Variants in ELFN1 observed in about 807,000 individuals in gnomAD.
ELFN1 encodes protein ELFN1.
ELFN1 carries 6 observed loss-of-function variants against 7.6 expected under a neutral mutation model. The observed-to-expected ratio is 0.79, with a 90% CI of 0.43 to 1.56. The LOEUF is 1.56. Among genes scored for constraint, ELFN1 ranks in the 40% most tolerant of loss-of-function variants. The pLI, the probability that ELFN1 is intolerant of heterozygous loss-of-function variation, is 0.01. For missense variants in ELFN1, 1,169 were observed against 1,232.2 expected (o/e 0.95, Z 0.77); for synonymous variants, 657 against 588.1 (o/e 1.12, Z -1.70).
chr7:1,704,107 G>A (rs527261550), intron 2 of ELFN1, among the ~76,000 whole-genome samples: 1 of 152,354 alleles, frequency 6.6e-6, no homozygotes, highest in Admixed American at 6.5e-5. Flanking sequence ...TCAGCCCATG[G>A]GAGGGCCTGG....
intron 2 of ELFN1, among the ~76,000 whole-genome samples, chr7:1,708,282 C>A (rs1189220904): frequency 6.6e-6 from 1 of 152,202 alleles, no homozygotes; most frequent in Non-Finnish European, 1.5e-5. Flanking sequence ...GAAGCAAGTA[C>A]GCTGGTGAAA....
rs571810786 is a variant in ELFN1, at chr7:1,745,838, G to A, written c.1242G>A (p.Thr414=). 5.6e-5 allele frequency: 89 copies of A among 1,581,110 alleles called. No individual in the cohort carries two copies. The highest frequency in any genetic ancestry group is 6.6e-5 in the Non-Finnish European group (77 of 1,165,718). ...CTGGTCCGGTGCCCAGCCCCTCCAC[G>A]GCCACCCACTACATCATGACCATCC... is the stretch of plus-strand genomic sequence containing the variant. ...SPPGPVPSPS[T]ATHYIMTILG... Residue 414 remains threonine (T), a synonymous_variant, in exon 4 of 4, where the codon ACG becomes ACA. Transcript: ENST00000424383.
intron 1 of ELFN1, among the ~76,000 whole-genome samples, chr7:1,679,352 G>T (rs1778932167): frequency 6.6e-6 from 1 of 152,134 alleles, no homozygotes; most frequent in South Asian, 2.1e-4. Context: ...CCCCCTCCCT[G>T]CAGGAGGCTC....
At chr7:1,676,865 G>A (rs1216027263) in intron 1 of ELFN1, among the ~76,000 whole-genome samples, 2 of 152,164 alleles carry the variant, frequency 1.3e-5, no homozygotes, top group Admixed American at 6.5e-5. Context: ...GGATTGCTTC[G>A]GGAAGTCTCT....
intron 2 of ELFN1, among the ~76,000 whole-genome samples, chr7:1,698,270 C>T (rs192727741): frequency 6.6e-6 from 1 of 152,350 alleles, no homozygotes; most frequent in African/African-American, 2.4e-5. Context: ...TTACAGCTCT[C>T]ATATACAATT....
At position 1,695,834 on chromosome 7, in the gene ELFN1, C is replaced by G. The variant is rs151258550; in HGVS notation, c.-456+7684C>G. Reference sequence around the variant, plus strand: ...ATTCACAAACATTTACTCAGCAAATCTTGTTGGGCCCGCCAGGCCCTAGGG... The same window carrying G: ...ATTCACAAACATTTACTCAGCAAATGTTGTTGGGCCCGCCAGGCCCTAGGG... On this transcript the variant is annotated intron_variant, in intron 2 of 3. Coordinates refer to ENST00000424383, the MANE Select transcript of ELFN1 (RefSeq NM_001128636.4). The surrounding 1 kb of genome is among the most constrained non-coding windows in gnomAD (Gnocchi z 5.1). Among the ~76,000 whole-genome samples the G allele has an allele frequency of 6.7e-6, 1 of 150,256 alleles. No homozygotes were observed. The highest frequency in any genetic ancestry group is 1.5e-5 in the Non-Finnish European group (1 of 67,764).
chr7:1,720,040 G>A (rs1294049427), intron 3 of ELFN1, among the ~76,000 whole-genome samples: 1 of 152,022 alleles, frequency 6.6e-6, no homozygotes, highest in Non-Finnish European at 1.5e-5. Context: ...CAGCCACCCG[G>A]CATTCCGTGT....
chr7:1,743,962 T>C (rs911170986), intron 3 of ELFN1, among the ~76,000 whole-genome samples: 1 of 152,094 alleles, frequency 6.6e-6, no homozygotes, highest in Admixed American at 6.6e-5. Flanking sequence ...TGAAATGGGC[T>C]TCAGGGACCT....
chr7:1,685,502 G>GT (rs1480362341), intron 1 of ELFN1, among the ~76,000 whole-genome samples: 1 of 151,936 alleles, frequency 6.6e-6, no homozygotes, highest in Non-Finnish European at 1.5e-5. Flanking sequence ...TTTCTGTTCA[G>GT]TTTTTTCTCT....
chr7:1,707,592 G>A (rs1779562285), intron 2 of ELFN1, among the ~76,000 whole-genome samples: 1 of 152,204 alleles, frequency 6.6e-6, no homozygotes, highest in Non-Finnish European at 1.5e-5. Context: ...AAAGGCCTGG[G>A]GCAGAGCGGG....
At chr7:1,711,562 GA>G (rs1461574456) in intron 3 of ELFN1, among the ~76,000 whole-genome samples, 1 of 129,918 alleles carries the variant, frequency 7.7e-6, no homozygotes, top group East Asian at 2.2e-4. Context: ...ACCTTGAAGA[GA>G]GAGCGAGAGA....
intron 2 of ELFN1, among the ~76,000 whole-genome samples, chr7:1,707,927 G>T (rs929663939): frequency 6.6e-6 from 1 of 152,108 alleles, no homozygotes; most frequent in Non-Finnish European, 1.5e-5. Context: ...CAGACAGACC[G>T]GGGGGCCCCT....
intron 3 of ELFN1, among the ~76,000 whole-genome samples, chr7:1,719,304 CCCACCAACAGGACCCAAG>C (rs1406813153): frequency 0.02 from 2,672 of 134,944 alleles, no homozygotes; most frequent in African/African-American, 0.03. Flanking sequence ...CAGGGCCCCG[CCCACCAACAGGACCCAAG>C]CCACCAACAG....
At chr7:1,711,584 G>C (rs957633484) in intron 3 of ELFN1, among the ~76,000 whole-genome samples, 1 of 59,398 alleles carries the variant, frequency 1.7e-5, no homozygotes, top group South Asian at 5.0e-4. Flanking sequence ...GTGAGAGAGA[G>C]AGAGAGAGAG....
chr7:1,704,219 G>C (rs972763858), intron 2 of ELFN1, among the ~76,000 whole-genome samples: 1 of 152,134 alleles, frequency 6.6e-6, no homozygotes, highest in African/African-American at 2.4e-5. Flanking sequence ...GGGGGACCCT[G>C]CCAGCTGTGA....
In ELFN1 at chr7:1,686,312, T is replaced by TTC. The variant is rs71907936; in HGVS notation, c.-548-1745_-548-1744insCT. On this transcript the variant is annotated intron_variant, in intron 1 of 3. Transcript: ENST00000424383. ...CATTGTCTCTGTTAGTTTGTCCTTG[T>TTC]TTTTTTTTTTTTTTTTTTGAGATGG... Among the ~76,000 whole-genome samples the TTC allele has an allele frequency of 5.8e-3, 694 of 118,972 alleles. 10 individuals carry two copies. The highest frequency in any genetic ancestry group is 0.022 in the African/African-American group (638 of 28,690). The allele number at this position is 118,972 out of a possible 152,430, so 78.1% of individuals were successfully genotyped here.
Position 1,746,555 on chromosome 7 carries a change from AGCCGAGGCCGTCGGGGTGCACAAG to A in ELFN1, c.1964_1987del (p.Glu655_Ala662del). 7.3e-7 allele frequency: 1 copy of A among 1,366,456 alleles called. No homozygotes were observed. The highest frequency in any genetic ancestry group is 1.7e-5 in the South Asian group (1 of 60,160). The allele number at this position is 1,366,456 out of a possible 1,614,324, so 84.6% of individuals were successfully genotyped here. On this transcript the variant is annotated inframe_deletion, in exon 4 of 4. Coordinates refer to ENST00000424383, the MANE Select transcript of ELFN1 (RefSeq NM_001128636.4). ...CCGTGCGCAGCCCCCGCGCCTTCCG[AGCCGAGGCCGTCGGGGTGCACAAG>A]GCCGCGGCCGCCGAGGCCAAGTACA...
chr7:1,746,670 G>A lies in ELFN1; in HGVS notation c.2074G>A (p.Ala692Thr). 7.2e-7 allele frequency: 1 copy of A among 1,393,604 alleles called. No individual in the cohort carries two copies. Among genetic ancestry groups the A allele is most frequent in the Non-Finnish European group, 9.3e-7 (1 of 1,080,374 alleles). 86.3% of individuals were successfully genotyped at this position (1,393,604 alleles called of 1,614,324 possible). A position where few individuals can be genotyped will look rare whatever the true frequency, so the allele number is the denominator to read the frequency against. Residue 692 changes from alanine to threonine, a missense_variant, in exon 4 of 4, where the codon GCC becomes ACC. This residue lies in a region of ELFN1 where 914 missense variants were observed against 872.6 expected (regional missense o/e 1.05). Transcript: ENST00000424383. ...TVTPAAAVLRAEAEKGRQYGE... is the reference protein window; with the variant it reads ...TVTPAAAVLRTEAEKGRQYGE... ...GACACCCGCGGCCGCCGTGCTGCGGGCCGAGGCCGAGAAGGGTCGCCAGTA... is the reference window on the plus strand; with the variant it reads ...GACACCCGCGGCCGCCGTGCTGCGGACCGAGGCCGAGAAGGGTCGCCAGTA...
rs961425799 is a variant in ELFN1 at position 1,746,018 on chromosome 7, G to A, written c.1422G>A (p.Glu474=). 3 of 1,544,782 alleles carry A rather than the reference G, an allele frequency of 1.9e-6. No homozygotes were observed. Among genetic ancestry groups the A allele is most frequent in the South Asian group, 1.2e-5 (1 of 83,714 alleles). ...TCATCGAGCTCAAGTACGGGCCAGAGCTGGAGGCGCCCGGCCTGGCCCCGC... is the reference window on the plus strand; with the variant it reads ...TCATCGAGCTCAAGTACGGGCCAGAACTGGAGGCGCCCGGCCTGGCCCCGC... ...KTIIELKYGP[E]LEAPGLAPLS... Residue 474 remains glutamate, a synonymous_variant, in exon 4 of 4, where the codon GAG becomes GAA. Coordinates refer to ENST00000424383, the MANE Select transcript of ELFN1 (RefSeq NM_001128636.4).
Sources: allele counts gnomAD v4.1 joint callset (sites outside exome capture counted in the v4.1 genomes callset), GRCh38; gene constraint gnomAD v4.1.1; regional missense constraint gnomAD v4.1.1; non-coding constraint Gnocchi (gnomAD v3.1); transcripts MANE v1.5; gene names NCBI Gene and HGNC (gene_info 2026-07-23, HGNC 2026-07-21).